SUGT1: variants seen among roughly 807,000 people sequenced by gnomAD.
SUGT1 encodes SGT1 assembly cochaperone of MIS12 kinetochore complex, also known as protein SGT1 homolog.
In SUGT1, 15 loss-of-function variants were observed where a neutral mutation model predicts 56.1. The ratio of observed to expected loss-of-function variants is 0.27; its 90% confidence interval spans 0.18 to 0.41. The LOEUF is 0.41. Ranked by LOEUF, SUGT1 falls within the 10% of genes least tolerant of loss-of-function variation. The pLI is 1.00. For missense variants in SUGT1, 347 were observed against 382.2 expected, an observed-to-expected ratio of 0.91 and a Z score of 0.77; for synonymous variants, 123 against 128.6, an observed-to-expected ratio of 0.96 and a Z score of 0.30.
intron 8 of SUGT1, 150 bp from the exon 9 acceptor site, chr13:52,665,487 T>TTAA: frequency 1.8e-6 from 1 of 560,336 alleles, no homozygotes; most frequent in Admixed American, 4.2e-5. Flanking sequence ...AAAAACTAGT[T>TTAA]ATATAAAGTT....
Position 52,693,754 on chromosome 13 carries a change from G to C in SUGT1, c.*5919G>C, listed in dbSNP as rs968253682. Reference sequence around the variant, plus strand: ...GTGCATGTGCATCTGTATGACAAGTGATATAAAACGTGACCTGAATTTATA... The same window carrying C: ...GTGCATGTGCATCTGTATGACAAGTCATATAAAACGTGACCTGAATTTATA... On this transcript the variant is annotated 3_prime_UTR_variant, in exon 13 of 13. Transcript: ENST00000310528. 2.6e-5 allele frequency: 4 copies of C among 152,088 alleles called. No homozygotes were observed. The highest frequency in any genetic ancestry group is 6.6e-5 in the Admixed American group (1 of 15,242). The allele number at this position is 152,088 out of a possible 1,614,324, so 9.4% of individuals were successfully genotyped here.
rs7986540 is a variant in SUGT1 at position 52,680,161 on chromosome 13, A to G, written c.900+6A>G. 1,485,202 of 1,562,988 alleles carry G rather than the reference A, an allele frequency of 0.95. 705,857 individuals carry two copies. Among genetic ancestry groups the G allele is most frequent in the East Asian group, 0.99 (41,851 of 42,172 alleles). On this transcript the variant is annotated splice_donor_region_variant and intron_variant, in intron 12 of 12. Coordinates refer to ENST00000310528, the MANE Select transcript of SUGT1 (RefSeq NM_006704.5). Reference sequence around the variant, plus strand: ...GTGCCATGAACAAATCCTTTGTAAGAATATAAACTTAAAGAAATATATATG... The same window carrying G: ...GTGCCATGAACAAATCCTTTGTAAGGATATAAACTTAAAGAAATATATATG...
chr13:52,654,502 A>G (rs1265391355), intron 2 of SUGT1, among the ~76,000 whole-genome samples: 3 of 152,212 alleles, frequency 2.0e-5, no homozygotes, highest in Admixed American at 6.5e-5. Context: ...TTTTAAGTCT[A>G]TAGTTTGATG....
At chr13:52,682,203 T>G (rs1349394740) in intron 12 of SUGT1, among the ~76,000 whole-genome samples, 1 of 152,144 alleles carries the variant, frequency 6.6e-6, no homozygotes, top group Non-Finnish European at 1.5e-5. Flanking sequence ...CATATTACAT[T>G]TATTTTTTAT....
chr13:52,677,948 A>G (rs952105990), intron 11 of SUGT1, among the ~76,000 whole-genome samples: 5 of 152,180 alleles, frequency 3.3e-5, no homozygotes, highest in Admixed American at 1.3e-4. Context: ...AACACCTTAG[A>G]TATTCAAGAT....
intron 9 of SUGT1, 136 bp downstream of exon 9, chr13:52,665,869 T>A: frequency 1.6e-6 from 1 of 620,052 alleles, no homozygotes; most frequent in Non-Finnish European, 2.7e-6. Context: ...GAATAAAATC[T>A]GAAGCCATTG....
intron 12 of SUGT1, among the ~76,000 whole-genome samples, chr13:52,685,256 CTTTTTTTTTT>C (rs59104304): frequency 5.7e-5 from 5 of 87,726 alleles, no homozygotes; most frequent in South Asian, 3.7e-4. Context: ...TCTTCTTCTT[CTTTTTTTTTT>C]TTTTTTTTTT....
In SUGT1 at chr13:52,689,623, A is replaced by G. The variant is rs1963716002; in HGVS notation, c.*1788A>G. 6.6e-6 allele frequency: 1 copy of G among 152,210 alleles called. No individual in the cohort carries two copies. Among genetic ancestry groups the G allele is most frequent in the African/African-American group, 2.4e-5 (1 of 41,442 alleles). 9.4% of individuals were successfully genotyped at this position (152,210 alleles called of 1,614,324 possible). ...TAAAGGTCCATGGTTCTAAATACAG[A>G]AGCATATTTTTGCCGCTTAACTTTT... On this transcript the variant is annotated 3_prime_UTR_variant, in exon 13 of 13. Transcript: ENST00000310528.
intron 7 of SUGT1, 104 bp from the exon 8 acceptor site, chr13:52,663,931 A>T: frequency 9.7e-7 from 1 of 1,028,736 alleles, no homozygotes; most frequent in Admixed American, 2.3e-5. Flanking sequence ...AAATAACTGC[A>T]GTGTTGGGTA....
intron 3 of SUGT1, chr13:52,657,992 C>A: frequency 1.3e-6 from 1 of 797,422 alleles, no homozygotes; most frequent in Non-Finnish European, 1.6e-6. Flanking sequence ...GAGACCAAAG[C>A]AGGAGGATCA....
rs1854600648 is a variant in SUGT1, at chr13:52,689,962, A to AC, written c.*2127_*2128insC. On this transcript the variant is annotated 3_prime_UTR_variant, in exon 13 of 13. Coordinates refer to ENST00000310528, the MANE Select transcript of SUGT1 (RefSeq NM_006704.5). ...CCAGCCTGGGCGACTCCATCTCAAA[A>AC]AAAATAAATAGCTGTTTAAAAAAAA... 6.6e-6 allele frequency: 1 copy of AC among 151,378 alleles called. No individual in the cohort carries two copies. The highest frequency in any genetic ancestry group is 1.5e-5 in the Non-Finnish European group (1 of 67,860). 9.4% of individuals were successfully genotyped at this position (151,378 alleles called of 1,614,324 possible).
At chr13:52,682,710 C>G (rs1421431513) in intron 12 of SUGT1, among the ~76,000 whole-genome samples, 1 of 152,154 alleles carries the variant, frequency 6.6e-6, no homozygotes, top group East Asian at 1.9e-4. Flanking sequence ...TTAGATTGAG[C>G]TGTATGTGAT....
At chr13:52,655,445 C>T (rs1249542552) in intron 2 of SUGT1, among the ~76,000 whole-genome samples, 1 of 152,146 alleles carries the variant, frequency 6.6e-6, no homozygotes, top group Non-Finnish European at 1.5e-5. Flanking sequence ...AATTACAAAA[C>T]CTACTTTAAA....
chr13:52,663,795 T>C (rs763742213), intron 7 of SUGT1, among the ~76,000 whole-genome samples: 22 of 152,238 alleles, frequency 1.4e-4, no homozygotes, highest in Non-Finnish European at 2.8e-4. Flanking sequence ...CAAAAATCTT[T>C]TATGAAATTC....
At chr13:52,684,138 C>T (rs1012138466) in intron 12 of SUGT1, among the ~76,000 whole-genome samples, 2 of 152,020 alleles carry the variant, frequency 1.3e-5, no homozygotes, top group South Asian at 2.1e-4. Context: ...TGAGCTCAAG[C>T]GATCCGCCCA....
chr13:52,657,758 A>G (rs769613857), intron 3 of SUGT1, 136 bp downstream of exon 3: 38 of 739,216 alleles, frequency 5.1e-5, no homozygotes, highest in South Asian at 1.0e-4. Context: ...AATGTGACAG[A>G]CATGTTGAGC....
intron 5 of SUGT1, among the ~76,000 whole-genome samples, chr13:52,661,085 T>C (rs1434012227): frequency 3.3e-5 from 5 of 152,190 alleles, no homozygotes; most frequent in Non-Finnish European, 5.9e-5. Context: ...GTGCTGGGGT[T>C]ACAGGCATGA....
chr13:52,662,240 C>T (rs897978738), intron 5 of SUGT1, among the ~76,000 whole-genome samples: 1 of 152,074 alleles, frequency 6.6e-6, no homozygotes, highest in Non-Finnish European at 1.5e-5. Flanking sequence ...CTGGGAACGG[C>T]TTTTGAACCT....
chr13:52,687,993 G>A lies in SUGT1; in HGVS notation c.*158G>A, dbSNP rs904423171. Reference sequence around the variant, plus strand: ...AAATTATTTTCCTTCAAGTGTTCAAGTCTAATGAAGAATGAAGATAACATT... The same window carrying A: ...AAATTATTTTCCTTCAAGTGTTCAAATCTAATGAAGAATGAAGATAACATT... On this transcript the variant is annotated 3_prime_UTR_variant, in exon 13 of 13. Coordinates refer to ENST00000310528, the MANE Select transcript of SUGT1 (RefSeq NM_006704.5). 1.9e-5 allele frequency: 9 copies of A among 465,178 alleles called. No homozygotes were observed. The highest frequency in any genetic ancestry group is 1.2e-4 in the African/African-American group (6 of 49,112). 28.8% of individuals were successfully genotyped at this position (465,178 alleles called of 1,614,324 possible).
Sources: gnomAD v4.1 joint callset for allele counts (sites outside exome capture counted in the v4.1 genomes callset) on GRCh38, gnomAD v4.1.1 for gene constraint, MANE v1.5 for transcripts, NCBI Gene and HGNC (gene_info 2026-07-23, HGNC 2026-07-21) for gene names.